PTPRD: variants seen among roughly 807,000 people sequenced by gnomAD.
PTPRD encodes receptor-type tyrosine-protein phosphatase delta.
Under a neutral mutation model 214.5 loss-of-function variants are expected in PTPRD, and 34 were observed. That is an observed-to-expected ratio of 0.16 (90% CI 0.12 to 0.21). PTPRD has a LOEUF of 0.21. Among genes scored for constraint, PTPRD ranks in the 10% least tolerant of loss-of-function variants. The pLI is 1.00. For missense variants in PTPRD, 2,545 were observed against 2,398.7 expected (o/e 1.06, Z -1.27); for synonymous variants, 1,128 against 845.7 (o/e 1.33, Z -5.79).
intron 5 of PTPRD, among the ~76,000 whole-genome samples, chr9:9,855,213 G>A (rs1041230816): frequency 9.2e-5 from 14 of 152,104 alleles, no homozygotes; most frequent in Non-Finnish European, 1.5e-5. Context: ...TTAACTTACA[G>A]CAGCTAAAAT....
intron 12 of PTPRD, among the ~76,000 whole-genome samples, chr9:8,646,375 C>G (rs912437345): frequency 7.2e-5 from 11 of 152,290 alleles, no homozygotes; most frequent in African/African-American, 2.2e-4. Context: ...AATAAACCAA[C>G]TTTAATAGCT....
intron 11 of PTPRD, among the ~76,000 whole-genome samples, chr9:8,806,106 G>A (rs947189066): frequency 1.4e-4 from 21 of 151,336 alleles, no homozygotes; most frequent in Admixed American, 3.3e-4. Context: ...TGTATTTTTA[G>A]TAGAGACGGG....
chr9:9,837,751 T>C (rs1382299026), intron 5 of PTPRD, among the ~76,000 whole-genome samples: 2 of 150,722 alleles, frequency 1.3e-5, no homozygotes, highest in Admixed American at 1.3e-4. Flanking sequence ...CTGTCCTTGC[T>C]GCATTTTTTT....
At chr9:10,550,385 T>C (rs1365877973) in intron 2 of PTPRD, among the ~76,000 whole-genome samples, 2 of 152,152 alleles carry the variant, frequency 1.3e-5, no homozygotes, top group East Asian at 3.9e-4. Context: ...GAGTCTGACA[T>C]GATGATTTGG....
chr9:8,324,839 C>G (rs971697621), intron 44 of PTPRD, among the ~76,000 whole-genome samples: 1 of 152,008 alleles, frequency 6.6e-6, no homozygotes, highest in Non-Finnish European at 1.5e-5. Context: ...ATTTGCATTT[C>G]TCTAATGACC....
intron 11 of PTPRD, among the ~76,000 whole-genome samples, chr9:8,918,127 G>C (rs1481814476): frequency 6.6e-6 from 1 of 152,116 alleles, no homozygotes; most frequent in African/African-American, 2.4e-5. Context: ...CGAGCAGCCA[G>C]ACAGCCCTAT....
At chr9:9,963,398 A>G (rs1476643650) in intron 4 of PTPRD, among the ~76,000 whole-genome samples, 1 of 150,176 alleles carries the variant, frequency 6.7e-6, no homozygotes, top group East Asian at 1.9e-4. Flanking sequence ...AATGCCTCTA[A>G]GTGTAAATAG....
rs1008569318 is a variant in PTPRD, at chr9:10,223,243, A to T, written c.-545+117720T>A. Among the ~76,000 whole-genome samples the T allele has an allele frequency of 5.5e-5, 8 of 144,646 alleles. No homozygotes were observed. In the South Asian group the frequency reaches 8.7e-4, roughly 16 times the overall value. The allele number at this position is 144,646 out of a possible 152,430, so 94.9% of individuals were successfully genotyped here. On this transcript the variant is annotated intron_variant, in intron 3 of 45. Coordinates refer to ENST00000381196, the MANE Select transcript of PTPRD (RefSeq NM_002839.4). ...TCCCCTTCCTCTTCCTCCTTTTCTT[A>T]CTTCTGTTTCTTCTGTACCTTTTAC...
chr9:9,535,390 C>T lies in PTPRD; in HGVS notation c.-237+39342G>A, dbSNP rs548964490. On this transcript the variant is annotated intron_variant, in intron 8 of 45. Coordinates refer to ENST00000381196, the MANE Select transcript of PTPRD (RefSeq NM_002839.4). ...AAAAGACAGCATAACACATGAACTT[C>T]ATTGAAAGGTTGTGAACCTATTACC... 3.3e-5 allele frequency among the ~76,000 whole-genome samples: 5 copies of T among 152,202 alleles called. No individual in the cohort carries two copies. The South Asian group carries it at 1.0e-3, about 32-fold the overall frequency.
intron 5 of PTPRD, among the ~76,000 whole-genome samples, chr9:9,831,742 A>G (rs1187491801): frequency 2.0e-5 from 3 of 152,032 alleles, no homozygotes; most frequent in African/African-American, 7.2e-5. Context: ...TATATCATCA[A>G]TAAGGAATTT....
At chr9:10,022,568 G>C (rs1452338743) in intron 4 of PTPRD, among the ~76,000 whole-genome samples, 5 of 152,160 alleles carry the variant, frequency 3.3e-5, no homozygotes, top group Admixed American at 3.3e-4. Flanking sequence ...TAACTGGAAA[G>C]AAAATAAGGC....
At chr9:8,883,862 G>A (rs900125155) in intron 11 of PTPRD, among the ~76,000 whole-genome samples, 9 of 152,184 alleles carry the variant, frequency 5.9e-5, no homozygotes, top group Non-Finnish European at 1.0e-4. Flanking sequence ...CCTACCAAAG[G>A]CAGAGCAAAA....
intron 4 of PTPRD, among the ~76,000 whole-genome samples, chr9:9,967,624 T>G (rs1284844400): frequency 1.3e-5 from 2 of 152,174 alleles, no homozygotes; most frequent in Admixed American, 1.3e-4. Context: ...TTAAGAGACT[T>G]TCCTGAAGTC....
At chr9:9,664,425 T>G (rs1369027512) in intron 7 of PTPRD, among the ~76,000 whole-genome samples, 1 of 151,646 alleles carries the variant, frequency 6.6e-6, no homozygotes, top group Admixed American at 6.6e-5. Context: ...TGAACTATGC[T>G]AGAATTCAAT....
chr9:9,653,072 G>C (rs1359507686), intron 7 of PTPRD, among the ~76,000 whole-genome samples: 1 of 151,684 alleles, frequency 6.6e-6, no homozygotes, highest in African/African-American at 2.4e-5. Flanking sequence ...GCCGGGCGCG[G>C]TGGCTCACGC....
intron 2 of PTPRD, among the ~76,000 whole-genome samples, chr9:10,411,333 A>G (rs2098434480): frequency 6.6e-6 from 1 of 151,832 alleles, no homozygotes; most frequent in African/African-American, 2.4e-5. Flanking sequence ...TATAACTTGT[A>G]GTTGACTTTC....
At chr9:9,450,948 CA>C (rs1569568447) in intron 8 of PTPRD, among the ~76,000 whole-genome samples, 5 of 124,484 alleles carry the variant, frequency 4.0e-5, no homozygotes, top group African/African-American at 1.2e-4. Context: ...TACATACATA[CA>C]TACACACACA....
intron 5 of PTPRD, among the ~76,000 whole-genome samples, chr9:9,797,807 C>A (rs1415254520): frequency 1.3e-5 from 2 of 152,072 alleles, no homozygotes; most frequent in Non-Finnish European, 2.9e-5. Flanking sequence ...GAGATCGCGC[C>A]ATCGCACACC....
At chr9:10,386,657 A>C (rs1235395459) in intron 2 of PTPRD, among the ~76,000 whole-genome samples, 1 of 35,548 alleles carries the variant, frequency 2.8e-5, no homozygotes, top group Non-Finnish European at 5.5e-5. Context: ...CCCAAAGACC[A>C]AAAAAACAAA....
Sources: gnomAD v4.1 joint callset for allele counts (sites outside exome capture counted in the v4.1 genomes callset) on GRCh38, gnomAD v4.1.1 for gene constraint, MANE v1.5 for transcripts, NCBI Gene and HGNC (gene_info 2026-07-23, HGNC 2026-07-21) for gene names.